Variants in CA5A observed in about 807,000 individuals in gnomAD.
The protein encoded by CA5A is carbonic anhydrase 5A.
A neutral mutation model predicts 37.1 loss-of-function variants in CA5A; 28 were observed. The ratio of observed to expected loss-of-function variants is 0.75; its 90% CI spans 0.56 to 1.03. The LOEUF is 1.03. Among genes scored for constraint, CA5A ranks in the 50% least tolerant of loss-of-function variants. The pLI, the probability that CA5A is intolerant of heterozygous loss-of-function variation, is 0.00. For synonymous variants in CA5A, 171 were observed against 158.4 expected, an observed-to-expected ratio of 1.08 and a Z score of -0.60; for missense variants, 444 against 399.9, an observed-to-expected ratio of 1.11 and a Z score of -0.94.
At chr16:87,932,993 G>A (rs561716931) in intron 1 of CA5A, among the ~76,000 whole-genome samples, 27 of 152,356 alleles carry the variant, frequency 1.8e-4, no homozygotes, top group Non-Finnish European at 2.9e-4. Flanking sequence ...GCCCTCCGCC[G>A]TGAGAAGAAC....
At chr16:87,896,111 G>A (rs979911046) in intron 5 of CA5A, among the ~76,000 whole-genome samples, 1 of 152,200 alleles carries the variant, frequency 6.6e-6, no homozygotes, top group Non-Finnish European at 1.5e-5. Flanking sequence ...ACAACCCTTT[G>A]AGAAGTATTT....
chr16:87,891,862 C>T lies in CA5A; in HGVS notation c.711G>A (p.Pro237=), dbSNP rs779626070. 6.5e-5 allele frequency: 102 copies of T among 1,579,230 alleles called. No homozygotes were observed. The Admixed American group carries it at 1.6e-3, about 24-fold the overall frequency. Residue 237 remains proline (P), a synonymous_variant, in exon 6 of 7, where the codon CCG becomes CCA. Transcript: ENST00000649794. ...YWTYAGSLTT[P]PLTESVTWII... ...TCCAGGTGACCGACTCGGTCAGCGG[C>T]GGGGTGGTGAGCGAGCCCGCGTAGG...
At chr16:87,898,583 C>T (rs1597549789) in intron 5 of CA5A, among the ~76,000 whole-genome samples, 3 of 152,290 alleles carry the variant, frequency 2.0e-5, no homozygotes, top group Non-Finnish European at 2.9e-5. Context: ...CGTTTCGTGA[C>T]GGGCAGCAGC....
intron 5 of CA5A, among the ~76,000 whole-genome samples, chr16:87,894,786 C>G (rs1466631208): frequency 2.0e-5 from 3 of 152,002 alleles, no homozygotes; most frequent in African/African-American, 7.2e-5. Context: ...GACTGAGACA[C>G]AGGAACTGCT....
intron 2 of CA5A, among the ~76,000 whole-genome samples, chr16:87,926,446 T>C (rs944107884): frequency 3.9e-5 from 6 of 152,194 alleles, no homozygotes; most frequent in African/African-American, 1.4e-4. Context: ...GCTTGTCTCT[T>C]CCTCCCACCC....
At chr16:87,909,830 C>T (rs1223792128) in intron 2 of CA5A, among the ~76,000 whole-genome samples, 6 of 152,194 alleles carry the variant, frequency 3.9e-5, no homozygotes, top group Admixed American at 3.3e-4. Context: ...AGCCGTGTTT[C>T]GTTACTCTTC....
intron 2 of CA5A, among the ~76,000 whole-genome samples, chr16:87,921,699 G>C (rs991487684): frequency 6.6e-6 from 1 of 152,166 alleles, no homozygotes; most frequent in African/African-American, 2.4e-5. Flanking sequence ...CAGGAGGATG[G>C]AAGCCCAGCC....
chr16:87,920,464 C>G (rs548800214), intron 2 of CA5A, among the ~76,000 whole-genome samples: 7 of 152,160 alleles, frequency 4.6e-5, no homozygotes, highest in Admixed American at 4.6e-4. Context: ...CATGCACCAC[C>G]ACGCTCGGCT....
chr16:87,890,792 T>TTTTA (rs914245589), intron 6 of CA5A, among the ~76,000 whole-genome samples: 8 of 151,856 alleles, frequency 5.3e-5, no homozygotes, highest in African/African-American at 1.5e-4. Context: ...ATTTTTGTAT[T>TTTTA]TTTATTTATT....
At chr16:87,930,804 G>C (rs1187060877) in intron 1 of CA5A, among the ~76,000 whole-genome samples, 1 of 149,160 alleles carries the variant, frequency 6.7e-6, no homozygotes, top group East Asian at 2.0e-4. Context: ...GCAGTGACGC[G>C]ATCTCAGCTC....
intron 5 of CA5A, among the ~76,000 whole-genome samples, chr16:87,895,867 T>C (rs1162299241): frequency 2.6e-5 from 4 of 152,204 alleles, no homozygotes; most frequent in Non-Finnish European, 5.9e-5. Flanking sequence ...CCAAGTAATA[T>C]CTCACTGCAT....
rs983536339 is a variant in CA5A, at chr16:87,924,261, C to T, written c.340+2487G>A. Reference sequence around the variant, plus strand: ...CAGCAAGCCCCACACGGGAAGCATCCGCGGGGGTTGCAGTGGAGCCTGATG... The same window carrying T: ...CAGCAAGCCCCACACGGGAAGCATCTGCGGGGGTTGCAGTGGAGCCTGATG... On this transcript the variant is annotated intron_variant, in intron 2 of 6. Transcript: ENST00000649794. 2.3e-5 allele frequency: 23 copies of T among 985,312 alleles called. No individual in the cohort carries two copies. In the South Asian group the frequency reaches 3.8e-4, roughly 16 times the overall value. The allele number at this position is 985,312 out of a possible 1,614,324, so 61.0% of individuals were successfully genotyped here. A position where few individuals can be genotyped will look rare whatever the true frequency, so the allele number is the denominator to read the frequency against.
intron 5 of CA5A, chr16:87,893,385 C>T (rs1597544085): frequency 6.7e-6 from 3 of 450,390 alleles, no homozygotes; most frequent in East Asian, 5.9e-5. Flanking sequence ...CCTCGGCCTC[C>T]CAAAGTGTTG....
intron 2 of CA5A, chr16:87,924,357 A>G (rs1158396027): frequency 7.2e-6 from 7 of 972,250 alleles, no homozygotes; most frequent in Admixed American, 1.2e-4. Context: ...AGAGAGAGAC[A>G]CTGGAAGGAC....
intron 5 of CA5A, among the ~76,000 whole-genome samples, chr16:87,896,849 A>G (rs1333006766): frequency 2.0e-5 from 3 of 152,222 alleles, no homozygotes; most frequent in Non-Finnish European, 4.4e-5. Flanking sequence ...TATGTTGGTC[A>G]GGCTCGTCTC....
chr16:87,924,637 G>A (rs1388998603), intron 2 of CA5A, among the ~76,000 whole-genome samples: 1 of 152,256 alleles, frequency 6.6e-6, no homozygotes, highest in Non-Finnish European at 1.5e-5. Context: ...CAAGCACCAT[G>A]TCATGACGAA....
intron 2 of CA5A, among the ~76,000 whole-genome samples, chr16:87,913,412 C>T (rs1159198730): frequency 1.3e-5 from 2 of 151,440 alleles, no homozygotes; most frequent in Non-Finnish European, 2.9e-5. Flanking sequence ...AAGCCATCCT[C>T]CCCTCTCTGC....
At chr16:87,915,017 C>T (rs535903753) in intron 2 of CA5A, among the ~76,000 whole-genome samples, 16 of 152,344 alleles carry the variant, frequency 1.1e-4, no homozygotes, top group Middle Eastern at 3.4e-3. Context: ...CCAGCATGGC[C>T]GCCGCACCAC....
intron 2 of CA5A, among the ~76,000 whole-genome samples, chr16:87,907,928 A>AAAAC (rs561020488): frequency 9.9e-4 from 151 of 152,328 alleles, no homozygotes; most frequent in East Asian, 7.5e-3. Context: ...CTCCGTCTCA[A>AAAAC]AAACAAACAA....
Sources: gnomAD v4.1 joint callset for allele counts (sites outside exome capture counted in the v4.1 genomes callset) on GRCh38, gnomAD v4.1.1 for gene constraint, MANE v1.5 for transcripts, NCBI Gene and HGNC (gene_info 2026-07-23, HGNC 2026-07-21) for gene names.